The following GALNT15 variants were observed in gnomAD, a reference collection of about 807,000 sequenced individuals.
GALNT15 encodes the protein polypeptide N-acetylgalactosaminyltransferase 15, also known as UDP-GalNAc transferase T15.
A neutral mutation model predicts 66.8 loss-of-function variants in GALNT15; 67 were observed. The observed-to-expected ratio is 1.00, with a 90% CI of 0.82 to 1.23. The LOEUF is 1.23. Ranked by LOEUF, GALNT15 falls within the 50% of genes most tolerant of loss-of-function variation. The pLI, the probability that GALNT15 is intolerant of heterozygous loss-of-function variation, is 0.00. For missense variants in GALNT15, 827 were observed against 804.3 expected (o/e 1.03, Z -0.34); for synonymous variants, 313 against 311.5 (o/e 1.00, Z -0.05).
rs535050418 is a variant in GALNT15, at chr3:16,196,057, T to C, written c.706+131T>C. On this transcript the variant is annotated intron_variant, in intron 2 of 9. Coordinates refer to ENST00000339732, the MANE Select transcript of GALNT15 (RefSeq NM_054110.5). ...CCAACTACAGACCTCCAGATGAGGA[T>C]TAATGGGCAAGTAACTTATGAATGA... is the stretch of plus-strand genomic sequence containing the variant. 5 of 856,868 alleles carry C rather than the reference T, an allele frequency of 5.8e-6. No homozygotes were observed. The South Asian group carries it at 8.6e-5, about 15-fold the overall frequency. The allele number at this position is 856,868 out of a possible 1,614,324, so 53.1% of individuals were successfully genotyped here.
intron 3 of GALNT15, among the ~76,000 whole-genome samples, chr3:16,201,997 C>G (rs749707165): frequency 6.6e-6 from 1 of 152,138 alleles, no homozygotes; most frequent in Non-Finnish European, 1.5e-5. Context: ...TAGAACCAAG[C>G]CTTATGACTT....
rs73051161 is a variant in GALNT15, at chr3:16,208,018, G to A, written c.912-485G>A. Among the ~76,000 whole-genome samples the A allele has an allele frequency of 6.3e-3, 954 of 152,264 alleles. 12 individuals are homozygous for A. The highest frequency in any genetic ancestry group is 8.2e-3 in the Non-Finnish European group (559 of 68,022). On this transcript the variant is annotated intron_variant, in intron 3 of 9. Coordinates refer to ENST00000339732, the MANE Select transcript of GALNT15 (RefSeq NM_054110.5). ...AGTAGCAGAGCTGAGCCTAGGACCC[G>A]TCTCTGTATCTCTCAGTGCTGTCAA...
intron 6 of GALNT15, among the ~76,000 whole-genome samples, chr3:16,217,924 C>T (rs938080841): frequency 1.3e-5 from 2 of 152,140 alleles, no homozygotes; most frequent in South Asian, 4.1e-4. Context: ...AATAGATCCC[C>T]TTGGTTTCAT....
Position 16,222,645 on chromosome 3 carries a change from C to T in GALNT15, c.1660C>T (p.His554Tyr), listed in dbSNP as rs763687964. ...YLQHTSRKEI[H>Y]FGSPQHLCFA... ...GCAGCACACCAGCAGGAAGGAGATT[C>T]ACTTTGGCAGCCCACAGCACCTGTG... Residue 554 changes from histidine (H) to tyrosine (Y), a missense_variant, in exon 9 of 10, where the codon CAC becomes TAC. Coordinates refer to ENST00000339732, the MANE Select transcript of GALNT15 (RefSeq NM_054110.5). 6.2e-7 allele frequency: 1 copy of T among 1,614,240 alleles called. No individual in the cohort carries two copies. The highest frequency in any genetic ancestry group is 8.5e-7 in the Non-Finnish European group (1 of 1,180,034).
At position 16,228,201 on chromosome 3, in the gene GALNT15, C is replaced by T. The variant is rs2064043745; in HGVS notation, c.*701C>T. 1 of 985,842 alleles carries T rather than the reference C, an allele frequency of 1.0e-6. No individual in the cohort carries two copies. The allele number at this position is 985,842 out of a possible 1,614,324, so 61.1% of individuals were successfully genotyped here. A position where few individuals can be genotyped will look rare whatever the true frequency, so the allele number is the denominator to read the frequency against. ...GAATTTCCTTCCTACTGAGAATCTA[C>T]CTCTATTCCCCCTGCCCTAGCTCTT... On this transcript the variant is annotated 3_prime_UTR_variant, in exon 10 of 10. Transcript: ENST00000339732.
the GALNT15 span, among the ~76,000 whole-genome samples, chr3:16,240,744 A>G: frequency 6.6e-6 from 1 of 152,138 alleles, no homozygotes; most frequent in African/African-American, 2.4e-5. Flanking sequence ...TTCAATCTAC[A>G]CTAGAGCCCG....
chr3:16,219,956 G>A lies in GALNT15; in HGVS notation c.1571G>A (p.Gly524Glu), dbSNP rs1324133261. The A allele has an allele frequency of 1.9e-6, 3 of 1,614,094 alleles. No homozygotes were observed. The Admixed American group carries it at 5.0e-5, about 27-fold the overall frequency. ...LGLCADCQAE[G>E]DILGCPMVLA... ...CTCTGTGCAGACTGCCAGGCAGAAG[G>A]GGACATCCTGGGCTGTCCCATGGTG... The change falls in exon 8 of 10, where the codon GGG (glycine) becomes GAG (glutamate). Residue 524 changes from glycine (G) to glutamate (E), a missense_variant. Gly to Glu is a moderately conservative substitution (Grantham distance 98). Transcript: ENST00000339732. The surrounding 1 kb of genome is among the most constrained non-coding windows in gnomAD (Gnocchi z 4.3).
chr3:16,242,083 A>C, the GALNT15 span, among the ~76,000 whole-genome samples: 1 of 152,180 alleles, frequency 6.6e-6, no homozygotes, highest in Non-Finnish European at 1.5e-5. This position sits in a 1 kb window ranked among gnomAD's most constrained non-coding sequence, Gnocchi z 5.6. Flanking sequence ...ACAGTGGTTG[A>C]ACATCTCCAG....
chr3:16,246,646 A>G, the GALNT15 span, among the ~76,000 whole-genome samples: 3 of 152,142 alleles, frequency 2.0e-5, no homozygotes, highest in South Asian at 4.1e-4. Flanking sequence ...AATTGTTTTT[A>G]TGAGGGAAAC....
chr3:16,198,945 G>A (rs1461459505), intron 2 of GALNT15, among the ~76,000 whole-genome samples: 1 of 142,068 alleles, frequency 7.0e-6, no homozygotes, highest in South Asian at 2.2e-4. Context: ...CTGGGGAACT[G>A]GGGGGGAAAT....
rs552393973 is a variant in GALNT15 at position 16,229,034 on chromosome 3, T to C, written c.*1534T>C. 4 of 985,476 alleles carry C rather than the reference T, an allele frequency of 4.1e-6. No individual in the cohort carries two copies. The African/African-American group carries it at 7.0e-5, about 17-fold the overall frequency. 61.0% of individuals were successfully genotyped at this position (985,476 alleles called of 1,614,324 possible). On this transcript the variant is annotated 3_prime_UTR_variant, in exon 10 of 10. Transcript: ENST00000339732. ...TGCTATTTAATAAACAGCATTCATA[T>C]TCATTTTTCCCCAGATGGAGTTACC...
In GALNT15 at chr3:16,230,164, C is replaced by T. The variant is rs571914557; in HGVS notation, c.*2664C>T. Among the ~76,000 whole-genome samples the T allele has an allele frequency of 2.0e-5, 3 of 152,222 alleles. No homozygotes were observed. Among genetic ancestry groups the T allele is most frequent in the African/African-American group, 4.8e-5 (2 of 41,558 alleles). ...TAAGATTGAATTTTGTTACCACCCC[C>T]ACCAAGTTCATCATCATTATTAACT... On this transcript the variant is annotated 3_prime_UTR_variant, in exon 10 of 10. Coordinates refer to ENST00000339732, the MANE Select transcript of GALNT15 (RefSeq NM_054110.5). The surrounding 1 kb of genome is among the most constrained non-coding windows in gnomAD (Gnocchi z 4.5).
chr3:16,227,260 C>T lies in GALNT15; in HGVS notation c.1774-94C>T. On this transcript the variant is annotated intron_variant, in intron 9 of 9. Transcript: ENST00000339732. This position sits in a 1 kb window ranked among gnomAD's most constrained non-coding sequence, Gnocchi z 4.5. ...AGGCCAGTTCACACCATCTGTTATTCTCTTAATGATTAGCACAAATCTTAA... is the reference window on the plus strand; with the variant it reads ...AGGCCAGTTCACACCATCTGTTATTTTCTTAATGATTAGCACAAATCTTAA... The T allele has an allele frequency of 7.6e-7, 1 of 1,312,528 alleles. No individual in the cohort carries two copies. Among genetic ancestry groups the T allele is most frequent in the Non-Finnish European group, 1.0e-6 (1 of 952,468 alleles). 81.3% of individuals were successfully genotyped at this position (1,312,528 alleles called of 1,614,324 possible). A position where few individuals can be genotyped will look rare whatever the true frequency, so the allele number is the denominator to read the frequency against.
At chr3:16,247,552 C>T in the GALNT15 span, among the ~76,000 whole-genome samples, 1 of 152,194 alleles carries the variant, frequency 6.6e-6, no homozygotes, top group Non-Finnish European at 1.5e-5. Context: ...CAGGCTGCAC[C>T]CTTCAACGGG....
At chr3:16,220,133 C>T in intron 8 of GALNT15, 119 bp downstream of exon 8, 1 of 762,562 alleles carries the variant, frequency 1.3e-6, no homozygotes. Flanking sequence ...GTCCCATGTC[C>T]CTTGACTGCC....
intron 2 of GALNT15, among the ~76,000 whole-genome samples, chr3:16,199,757 G>A (rs1168497465): frequency 6.6e-6 from 1 of 152,200 alleles, no homozygotes; most frequent in Non-Finnish European, 1.5e-5. Flanking sequence ...GCAATGGTCA[G>A]TCATTGACCA....
At chr3:16,240,575 A>G in the GALNT15 span, among the ~76,000 whole-genome samples, 1 of 152,246 alleles carries the variant, frequency 6.6e-6, no homozygotes, top group South Asian at 2.1e-4. Flanking sequence ...TTTGTAAATA[A>G]CAATCTTTTT....
chr3:16,205,233 C>G lies in GALNT15; in HGVS notation c.912-3270C>G, dbSNP rs76624576. Reference sequence around the variant, plus strand: ...AGACTTTCCACAAACACCAAGAATACGCATGAACTTTCAAAATGGCTTGTG... The same window carrying G: ...AGACTTTCCACAAACACCAAGAATAGGCATGAACTTTCAAAATGGCTTGTG... On this transcript the variant is annotated intron_variant, in intron 3 of 9. Transcript: ENST00000339732. 7.2e-3 allele frequency among the ~76,000 whole-genome samples: 1,097 copies of G among 152,316 alleles called. 4 individuals carry two copies. The highest frequency in any genetic ancestry group is 0.012 in the Non-Finnish European group (787 of 68,024).
In GALNT15 at chr3:16,208,527, A is replaced by C; in HGVS notation, c.936A>C (p.Ile312=). The C allele has an allele frequency of 1.2e-6, 2 of 1,614,050 alleles. No individual in the cohort carries two copies. The highest frequency in any genetic ancestry group is 1.7e-6 in the Non-Finnish European group (2 of 1,179,992). The change falls in exon 4 of 10, where the codon ATA becomes ATC. Residue 312 remains isoleucine, a synonymous_variant. Coordinates refer to ENST00000339732, the MANE Select transcript of GALNT15 (RefSeq NM_054110.5). ...GDRSRVVSPV[I]DVIDWKTFQY... ...GGAGCCGAGTGGTATCTCCGGTGAT[A>C]GATGTGATTGACTGGAAGACTTTCC... is the stretch of plus-strand genomic sequence containing the variant.
Sources: gnomAD v4.1 joint callset for allele counts (sites outside exome capture counted in the v4.1 genomes callset) on GRCh38, gnomAD v4.1.1 for gene constraint, Gnocchi (gnomAD v3.1) non-coding constraint, MANE v1.5 for transcripts, NCBI Gene and HGNC (gene_info 2026-07-23, HGNC 2026-07-21) for gene names.